The following TAFA1 variants were observed in gnomAD, a reference collection of about 807,000 sequenced individuals.
The protein encoded by TAFA1 is TAFA chemokine like family member 1.
Under a neutral mutation model 18.5 loss-of-function variants are expected in TAFA1, and 4 were observed. The ratio of observed to expected loss-of-function variants is 0.22; its 90% confidence interval spans 0.11 to 0.49. TAFA1 has a LOEUF of 0.49. Among genes scored for constraint, TAFA1 ranks in the 20% least tolerant of loss-of-function variants. The pLI is 0.98. For missense variants in TAFA1, 147 were observed against 169.0 expected (o/e 0.87, Z 0.72); for synonymous variants, 56 against 55.2 (o/e 1.01, Z -0.06).
At chr3:68,203,397 T>C (rs750731642) in intron 2 of TAFA1, among the ~76,000 whole-genome samples, 40 of 151,772 alleles carry the variant, frequency 2.6e-4, no homozygotes, top group Admixed American at 6.6e-4. Flanking sequence ...CCAGCATTCC[T>C]GACATGTCTG....
At chr3:68,221,659 C>T (rs1254183038) in intron 2 of TAFA1, among the ~76,000 whole-genome samples, 1 of 152,078 alleles carries the variant, frequency 6.6e-6, no homozygotes, top group Non-Finnish European at 1.5e-5. Flanking sequence ...AGAGAAAAAG[C>T]ATTTTTATGT....
chr3:68,222,002 A>G (rs1023675652), intron 2 of TAFA1, among the ~76,000 whole-genome samples: 1 of 152,194 alleles, frequency 6.6e-6, no homozygotes, highest in East Asian at 1.9e-4. Context: ...CTCCCTCAAG[A>G]TGAATAACTG....
At chr3:68,211,109 G>A (rs1342381805) in intron 2 of TAFA1, among the ~76,000 whole-genome samples, 1 of 152,008 alleles carries the variant, frequency 6.6e-6, no homozygotes, top group Non-Finnish European at 1.5e-5. Flanking sequence ...GAGAGAACAA[G>A]GCAGCCTTAG....
intron 3 of TAFA1, among the ~76,000 whole-genome samples, chr3:68,485,373 T>G (rs936943878): frequency 1.3e-5 from 2 of 152,214 alleles, no homozygotes; most frequent in African/African-American, 4.8e-5. Context: ...TAAATAAATC[T>G]GTGTTTTTGT....
chr3:68,329,142 G>A (rs540701105), intron 2 of TAFA1, among the ~76,000 whole-genome samples: 23 of 147,732 alleles, frequency 1.6e-4, no homozygotes, highest in South Asian at 4.3e-4. Context: ...TCCGCCTCCC[G>A]GGTTCAAGCA....
chr3:68,018,781 A>G (rs532107797), intron 2 of TAFA1, among the ~76,000 whole-genome samples: 2 of 152,344 alleles, frequency 1.3e-5, no homozygotes, highest in South Asian at 2.1e-4. Context: ...ACAAAAATGT[A>G]AAAGAATATG....
intron 2 of TAFA1, among the ~76,000 whole-genome samples, chr3:68,214,709 A>C (rs1305142512): frequency 4.6e-5 from 7 of 152,230 alleles, no homozygotes; most frequent in Non-Finnish European, 8.8e-5. Flanking sequence ...GTCTAACACA[A>C]AGAGCTCACA....
intron 2 of TAFA1, among the ~76,000 whole-genome samples, chr3:68,394,476 A>C (rs935509709): frequency 1.4e-4 from 22 of 152,318 alleles, no homozygotes; most frequent in African/African-American, 5.3e-4. Flanking sequence ...ATGGAACCAA[A>C]AAGGAGCCCA....
chr3:68,544,635 GTGCGT>G lies in TAFA1; in HGVS notation c.*134_*138del. 1.1e-6 allele frequency: 1 copy of G among 902,270 alleles called. No homozygotes were observed. Among genetic ancestry groups the G allele is most frequent in the Non-Finnish European group, 1.8e-6 (1 of 564,822 alleles). 55.9% of individuals were successfully genotyped at this position (902,270 alleles called of 1,614,324 possible). ...TTTGACTGGCTACCAGATAATCACAGTGCGTTTACTGTGTGTAACGAAATATCCTA... is the reference window on the plus strand; with the variant it reads ...TTTGACTGGCTACCAGATAATCACAGTTACTGTGTGTAACGAAATATCCTA... On this transcript the variant is annotated 3_prime_UTR_variant, in exon 5 of 5. Coordinates refer to ENST00000478136, the MANE Select transcript of TAFA1 (RefSeq NM_213609.4).
intron 2 of TAFA1, among the ~76,000 whole-genome samples, chr3:68,240,469 G>A (rs2066982645): frequency 6.6e-6 from 1 of 152,178 alleles, no homozygotes; most frequent in African/African-American, 2.4e-5. Context: ...AGCAGAAGAT[G>A]TATGATTTAG....
In TAFA1 at chr3:68,170,724, C is replaced by T. The variant is rs1001979922; in HGVS notation, c.118+163980C>T. Among the ~76,000 whole-genome samples, 3 of 152,122 alleles carry T rather than the reference C, an allele frequency of 2.0e-5. No homozygotes were observed. The South Asian group carries it at 6.2e-4, about 32-fold the overall frequency. On this transcript the variant is annotated intron_variant, in intron 2 of 4. Transcript: ENST00000478136. ...GGAGCATTGGAGGCATGCTCATAAACACACAGCCCCTCAACAGAGGCTGGA... is the reference window on the plus strand; with the variant it reads ...GGAGCATTGGAGGCATGCTCATAAATACACAGCCCCTCAACAGAGGCTGGA...
intron 3 of TAFA1, among the ~76,000 whole-genome samples, chr3:68,526,667 A>G (rs1331894717): frequency 6.6e-6 from 1 of 152,188 alleles, no homozygotes; most frequent in Non-Finnish European, 1.5e-5. Flanking sequence ...TAGTACTCTC[A>G]TAATGTACTT....
chr3:68,111,976 T>C (rs2065267959), intron 2 of TAFA1, among the ~76,000 whole-genome samples: 1 of 152,184 alleles, frequency 6.6e-6, no homozygotes, highest in Non-Finnish European at 1.5e-5. Flanking sequence ...ATAAAAACAC[T>C]GACTGTTGGG....
At chr3:68,021,488 T>C (rs1219839528) in intron 2 of TAFA1, among the ~76,000 whole-genome samples, 2 of 152,190 alleles carry the variant, frequency 1.3e-5, no homozygotes, top group Non-Finnish European at 1.5e-5. Flanking sequence ...CCTTTTATCA[T>C]AGGATTCAGT....
At chr3:68,349,871 C>T (rs369564214) in intron 2 of TAFA1, among the ~76,000 whole-genome samples, 2 of 152,036 alleles carry the variant, frequency 1.3e-5, no homozygotes, top group Non-Finnish European at 2.9e-5. Context: ...TCTCTGGGTC[C>T]GTATTCACCA....
chr3:68,533,604 A>AT (rs1051452504), intron 3 of TAFA1, among the ~76,000 whole-genome samples: 1 of 152,206 alleles, frequency 6.6e-6, no homozygotes, highest in African/African-American at 2.4e-5. Context: ...GTAAAACTGC[A>AT]TTTTACATGA....
chr3:68,471,951 C>G lies in TAFA1; in HGVS notation c.259+54531C>G, dbSNP rs189489008. Among the ~76,000 whole-genome samples, 468 of 152,200 alleles carry G rather than the reference C, an allele frequency of 3.1e-3. 3 individuals carry two copies. The highest frequency in any genetic ancestry group is 0.01 in the African/African-American group (428 of 41,516). Reference sequence around the variant, plus strand: ...GATTTTACAGCCTCATAGGTGGAAGCGACTTGCCTACTCTCAGATGAGACT... The same window carrying G: ...GATTTTACAGCCTCATAGGTGGAAGGGACTTGCCTACTCTCAGATGAGACT... On this transcript the variant is annotated intron_variant, in intron 3 of 4. Transcript: ENST00000478136.
chr3:68,471,343 A>T (rs1406373610), intron 3 of TAFA1, among the ~76,000 whole-genome samples: 3 of 152,162 alleles, frequency 2.0e-5, no homozygotes, highest in Non-Finnish European at 4.4e-5. Context: ...CTGTGAGAAG[A>T]GGGCAAACCA....
At position 68,474,650 on chromosome 3, in the gene TAFA1, T is replaced by C. The variant is rs113713682; in HGVS notation, c.259+57230T>C. On this transcript the variant is annotated intron_variant, in intron 3 of 4. Coordinates refer to ENST00000478136, the MANE Select transcript of TAFA1 (RefSeq NM_213609.4). ...TAGCAGGTGCTGCATCTTGGTTTTA[T>C]AAATCGTTGTAAATTATCTCTCTAA... Among the ~76,000 whole-genome samples the C allele has an allele frequency of 6.5e-3, 991 of 152,322 alleles. 10 individuals carry two copies. Among genetic ancestry groups the C allele is most frequent in the African/African-American group, 0.023 (947 of 41,558 alleles).
Sources: gnomAD v4.1 joint callset for allele counts (sites outside exome capture counted in the v4.1 genomes callset) on GRCh38, gnomAD v4.1.1 for gene constraint, MANE v1.5 for transcripts, NCBI Gene and HGNC (gene_info 2026-07-23, HGNC 2026-07-21) for gene names.